DNAH14: variants seen among roughly 807,000 people sequenced by gnomAD.
DNAH14 encodes the protein dynein axonemal heavy chain 14.
In DNAH14, 478 loss-of-function variants were observed where a neutral mutation model predicts 520.9. That is an observed-to-expected ratio of 0.92 (90% CI 0.85 to 0.99). DNAH14 has a LOEUF of 0.99. Ranked by LOEUF, DNAH14 falls within the 50% of genes least tolerant of loss-of-function variation. DNAH14 has a pLI of 0.00. For synonymous variants in DNAH14, 1,581 were observed against 1,757.2 expected, an observed-to-expected ratio of 0.90 and a Z score of 2.51; for missense variants, 4,831 against 5,234.5, an observed-to-expected ratio of 0.92 and a Z score of 2.38.
At chr1:225,263,347 C>G (rs946567689) in intron 46 of DNAH14, among the ~76,000 whole-genome samples, 1 of 151,126 alleles carries the variant, frequency 6.6e-6, no homozygotes, top group African/African-American at 2.4e-5. Flanking sequence ...CCTATCCTTC[C>G]TCTAGTGCTT....
At chr1:225,149,937 G>A (rs2080323849) in intron 31 of DNAH14, among the ~76,000 whole-genome samples, 1 of 152,150 alleles carries the variant, frequency 6.6e-6, no homozygotes, top group Non-Finnish European at 1.5e-5. Context: ...CCAAGACTAT[G>A]TTGAATAGGA....
chr1:225,308,489 A>T (rs1332005839), intron 60 of DNAH14, 79 bp downstream of exon 60: 2 of 1,398,362 alleles, frequency 1.4e-6, no homozygotes, highest in Non-Finnish European at 1.9e-6. Context: ...TAAAAGTCAG[A>T]CTGACTAGTC....
At chr1:225,343,831 G>A (rs2095240952) in intron 69 of DNAH14, among the ~76,000 whole-genome samples, 1 of 151,944 alleles carries the variant, frequency 6.6e-6, no homozygotes, top group Non-Finnish European at 1.5e-5. Context: ...AACTTCTTAG[G>A]GAGCAAAATA....
At chr1:225,084,396 C>A (rs2073496750) in intron 20 of DNAH14, among the ~76,000 whole-genome samples, 1 of 152,158 alleles carries the variant, frequency 6.6e-6, no homozygotes, top group African/African-American at 2.4e-5. Flanking sequence ...TTAAAACTTG[C>A]ATTTTGGAGG....
rs1558441528 is a variant in DNAH14, at chr1:225,336,037, A to ACATATGCATATATGTATACG, written c.10081-1224_10081-1223insGCATATATGTATACGCATAT. Among the ~76,000 whole-genome samples, 47 of 100,328 alleles carry ACATATGCATATATGTATACG rather than the reference A, an allele frequency of 4.7e-4. 1 individual carries two copies. The highest frequency in any genetic ancestry group is 7.0e-4 in the Non-Finnish European group (37 of 53,174). The allele number at this position is 100,328 out of a possible 152,430, so 65.8% of individuals were successfully genotyped here. The stretch of plus-strand genomic sequence containing the variant: ...CATATATGCATATATGTATATACAC[A>ACATATGCATATATGTATACG]CATATATGCATATATACATATATGT... On this transcript the variant is annotated intron_variant, in intron 66 of 85. Transcript: ENST00000682510.
In DNAH14 at chr1:225,002,874, C is replaced by T. The variant is rs2147806735; in HGVS notation, c.922C>T (p.Leu308Phe). The T allele has an allele frequency of 6.5e-7, 1 of 1,549,380 alleles. No homozygotes were observed. The highest frequency in any genetic ancestry group is 2.5e-5 in the East Asian group (1 of 40,726). The change falls in exon 9 of 86, where the codon CTC becomes TTC. Residue 308 changes from leucine to phenylalanine, a missense_variant. Leu to Phe is a conservative substitution (Grantham distance 22). Transcript: ENST00000682510. Reference sequence around the variant, plus strand: ...AGGACTTTGTGAAGATGCAATTAATCTCAAAAATTATAATGACCATGAAAA... The same window carrying T: ...AGGACTTTGTGAAGATGCAATTAATTTCAAAAATTATAATGACCATGAAAA... ...IRGLCEDAIN[L>F]KNYNDHENNL...
intron 23 of DNAH14, among the ~76,000 whole-genome samples, chr1:225,101,989 C>G (rs1182824469): frequency 6.6e-6 from 1 of 151,138 alleles, no homozygotes; most frequent in Non-Finnish European, 1.5e-5. Flanking sequence ...TGTGCTGCAC[C>G]CATTAACTCG....
chr1:225,163,226 G>A (rs1298187356), intron 35 of DNAH14, among the ~76,000 whole-genome samples: 4 of 149,858 alleles, frequency 2.7e-5, no homozygotes, highest in Non-Finnish European at 5.9e-5. Context: ...CAACCTTACC[G>A]AATTTGTTTA....
chr1:225,255,096 C>T lies in DNAH14; in HGVS notation c.6865+2679C>T, dbSNP rs74377875. On this transcript the variant is annotated intron_variant, in intron 44 of 85. Coordinates refer to ENST00000682510, the MANE Select transcript of DNAH14 (RefSeq NM_001367479.1). ...CAATATTGAGTACTGATGTGACAGA[C>T]CATGACACAGAATTCTCTTTCTTGT... Among the ~76,000 whole-genome samples, 165 of 152,206 alleles carry T rather than the reference C, an allele frequency of 1.1e-3. 2 individuals are homozygous for T. The East Asian group carries it at 0.022, about 20-fold the overall frequency.
intron 44 of DNAH14, among the ~76,000 whole-genome samples, chr1:225,256,309 G>A (rs1432494115): frequency 6.6e-6 from 1 of 152,200 alleles, no homozygotes; most frequent in Non-Finnish European, 1.5e-5. Flanking sequence ...GTGCGCACGT[G>A]TTGGTCATCC....
intron 9 of DNAH14, among the ~76,000 whole-genome samples, chr1:225,006,481 A>C (rs765789899): frequency 1.1e-4 from 17 of 152,168 alleles, no homozygotes; most frequent in Non-Finnish European, 1.8e-4. Flanking sequence ...AACCCTGGGA[A>C]GGGAATGCAT....
chr1:225,258,212 A>T (rs1218258594), intron 45 of DNAH14, 94 bp downstream of exon 45: 5 of 1,160,814 alleles, frequency 4.3e-6, no homozygotes, highest in Non-Finnish European at 5.7e-6. Flanking sequence ...GTGGGAAAAA[A>T]ATATACACTG....
Position 224,929,750 on chromosome 1 carries a change from T to C in DNAH14, c.-119T>C, listed in dbSNP as rs2058551586. On this transcript the variant is annotated 5_prime_UTR_variant, in exon 1 of 86. Transcript: ENST00000682510. ...GCTGCGCGGTCCTTCCCATTCACCCTAGTCTGGCGCTCGCCGGCGTGGGCG... is the reference window on the plus strand; with the variant it reads ...GCTGCGCGGTCCTTCCCATTCACCCCAGTCTGGCGCTCGCCGGCGTGGGCG... The C allele has an allele frequency of 2.8e-6, 2 of 702,182 alleles. No homozygotes were observed. Among genetic ancestry groups the C allele is most frequent in the East Asian group, 5.4e-5 (2 of 37,262 alleles). The allele number at this position is 702,182 out of a possible 1,614,324, so 43.5% of individuals were successfully genotyped here. A position where few individuals can be genotyped will look rare whatever the true frequency, so the allele number is the denominator to read the frequency against.
chr1:225,144,959 G>A (rs1044406432), intron 29 of DNAH14, among the ~76,000 whole-genome samples: 4 of 152,020 alleles, frequency 2.6e-5, no homozygotes, highest in Non-Finnish European at 4.4e-5. Flanking sequence ...AAGTGAGACC[G>A]AAAGAGAGGG....
At chr1:225,360,963 A>G (rs1575017559) in intron 75 of DNAH14, 72 bp downstream of exon 75, 5 of 1,353,166 alleles carry the variant, frequency 3.7e-6, no homozygotes, top group East Asian at 2.5e-5. Flanking sequence ...TGGAAATGTC[A>G]ATGTATACTG....
At chr1:225,282,246 G>A (rs750997176) in intron 54 of DNAH14, among the ~76,000 whole-genome samples, 1 of 152,228 alleles carries the variant, frequency 6.6e-6, no homozygotes, top group Non-Finnish European at 1.5e-5. Flanking sequence ...GGAGGTCCAT[G>A]AGCCAGAGTT....
At chr1:224,980,780 AC>A in intron 8 of DNAH14, among the ~76,000 whole-genome samples, 1 of 151,852 alleles carries the variant, frequency 6.6e-6, no homozygotes, top group African/African-American at 2.4e-5. Context: ...CATACATCCG[AC>A]CCAGTGCAAT....
At chr1:224,979,415 A>G (rs1368998448) in intron 8 of DNAH14, among the ~76,000 whole-genome samples, 1 of 152,192 alleles carries the variant, frequency 6.6e-6, no homozygotes, top group African/African-American at 2.4e-5. Context: ...CTCAACTGAC[A>G]GCCACCCACA....
At chr1:225,369,852 G>A (rs932695995) in intron 77 of DNAH14, among the ~76,000 whole-genome samples, 3 of 152,020 alleles carry the variant, frequency 2.0e-5, no homozygotes, top group African/African-American at 7.2e-5. Flanking sequence ...TGGATATTAA[G>A]AAACATAACT....
Sources: allele counts gnomAD v4.1 joint callset (sites outside exome capture counted in the v4.1 genomes callset), GRCh38; gene constraint gnomAD v4.1.1; transcripts MANE v1.5; gene names NCBI Gene and HGNC (gene_info 2026-07-23, HGNC 2026-07-21).